The following UBE2W variants were observed in gnomAD, a reference collection of about 807,000 sequenced individuals.
UBE2W encodes the protein ubiquitin-conjugating enzyme E2 W.
UBE2W carries 18 observed loss-of-function variants against 27.2 expected under a neutral mutation model. That is an observed-to-expected ratio of 0.66 (90% CI 0.46 to 0.98). The LOEUF (loss-of-function observed/expected upper bound fraction) is 0.98. Among genes scored for constraint, UBE2W ranks in the 50% least tolerant of loss-of-function variants. The pLI, the probability that UBE2W is intolerant of heterozygous loss-of-function variation, is 0.00. For missense variants in UBE2W, 90 were observed against 180.2 expected (o/e 0.50, Z 2.87); for synonymous variants, 53 against 57.2 (o/e 0.93, Z 0.33).
At chr8:73,845,876 A>G (rs1391262977) in intron 1 of UBE2W, among the ~76,000 whole-genome samples, 1 of 152,198 alleles carries the variant, frequency 6.6e-6, no homozygotes, top group Non-Finnish European at 1.5e-5. Context: ...TTAAACTCCT[A>G]TACCAAGCAA....
intron 5 of UBE2W, chr8:73,796,702 C>G: frequency 2.1e-6 from 2 of 973,778 alleles, no homozygotes; most frequent in Non-Finnish European, 2.4e-6. Context: ...TATATGTAAT[C>G]AAGAGTTTAT....
intron 1 of UBE2W, among the ~76,000 whole-genome samples, chr8:73,865,735 C>A (rs1381511152): frequency 2.6e-5 from 4 of 152,148 alleles, no homozygotes; most frequent in African/African-American, 7.2e-5. Flanking sequence ...AAACCTATTA[C>A]TCGATTTCCT....
At chr8:73,841,019 A>G (rs1810514658) in intron 1 of UBE2W, among the ~76,000 whole-genome samples, 2 of 152,228 alleles carry the variant, frequency 1.3e-5, no homozygotes, top group Non-Finnish European at 2.9e-5. Context: ...AAAAACATTA[A>G]AAAATGTGGG....
intron 1 of UBE2W, among the ~76,000 whole-genome samples, chr8:73,849,008 T>C (rs187609862): frequency 1.3e-5 from 2 of 151,564 alleles, no homozygotes; most frequent in East Asian, 1.9e-4. Context: ...TGGTTCACAA[T>C]AAAGCTGTCA....
chr8:73,858,997 T>C (rs2130966940), intron 1 of UBE2W, among the ~76,000 whole-genome samples: 1 of 150,690 alleles, frequency 6.6e-6, no homozygotes, highest in South Asian at 2.1e-4. Context: ...TGTGTGTGTG[T>C]GTGTGTGTGT....
intron 3 of UBE2W, 66 bp from the exon 4 acceptor site, chr8:73,810,695 C>T: frequency 7.9e-7 from 1 of 1,269,268 alleles, no homozygotes; most frequent in Non-Finnish European, 1.0e-6. Flanking sequence ...AAATATTCTC[C>T]ACATATAACA....
intron 3 of UBE2W, among the ~76,000 whole-genome samples, chr8:73,813,384 C>T (rs1340160870): frequency 1.3e-5 from 2 of 152,042 alleles, no homozygotes; most frequent in Non-Finnish European, 2.9e-5. Flanking sequence ...ATTCTGTAAG[C>T]AAAGAGAACC....
At chr8:73,816,563 T>C (rs572080827) in intron 3 of UBE2W, among the ~76,000 whole-genome samples, 3 of 152,292 alleles carry the variant, frequency 2.0e-5, no homozygotes, top group African/African-American at 7.2e-5. Flanking sequence ...GGAAGGTAAT[T>C]ACTCTTTTGC....
intron 1 of UBE2W, among the ~76,000 whole-genome samples, chr8:73,851,194 C>CT (rs71561537): frequency 0.11 from 15,545 of 146,448 alleles, 838 homozygotes; most frequent in Middle Eastern, 0.18. Context: ...GTTTCATTAT[C>CT]TTTTTTTTTT....
At chr8:73,865,308 T>C (rs762369917) in intron 1 of UBE2W, among the ~76,000 whole-genome samples, 1 of 145,096 alleles carries the variant, frequency 6.9e-6, no homozygotes, top group Non-Finnish European at 1.5e-5. Context: ...ATAGAAACAA[T>C]CAAGGTAACC....
At chr8:73,782,370 A>G (rs1807862658), downstream of UBE2W, among the ~76,000 whole-genome samples, 2 of 152,156 alleles carry the variant, frequency 1.3e-5, no homozygotes, top group Non-Finnish European at 2.9e-5. Context: ...CATATGTATC[A>G]TTCCCAAAAG....
At chr8:73,872,952 A>T (rs111300362) in intron 1 of UBE2W, among the ~76,000 whole-genome samples, 1,861 of 137,778 alleles carry the variant, frequency 0.014, 33 homozygotes, top group African/African-American at 0.039. Context: ...CCCAGGCTGG[A>T]GTCCAGTGGC....
At chr8:73,780,174 A>G (rs968402936) in exon 5 of UBE2W, 1 of 161,992 alleles carries the variant, frequency 6.2e-6, no homozygotes, top group Non-Finnish European at 1.4e-5. Context: ...CAGCAGAATC[A>G]TGTTCTCTCC....
intron 1 of UBE2W, among the ~76,000 whole-genome samples, chr8:73,874,955 T>C (rs1055936154): frequency 6.6e-6 from 1 of 151,946 alleles, no homozygotes; most frequent in Non-Finnish European, 1.5e-5. Context: ...AAAAGATCAC[T>C]TGAGCCCAGG....
intron 2 of UBE2W, 46 bp downstream of exon 2, chr8:73,830,335 A>G (rs778969554): frequency 2.2e-6 from 3 of 1,369,468 alleles, no homozygotes; most frequent in Middle Eastern, 1.8e-4. Context: ...ACATTCATAC[A>G]TTATTGGTAA....
At chr8:73,807,133 T>C (rs1252317619) in intron 4 of UBE2W, among the ~76,000 whole-genome samples, 2 of 152,264 alleles carry the variant, frequency 1.3e-5, no homozygotes, top group African/African-American at 2.4e-5. Flanking sequence ...GATACTATGA[T>C]AGATATCCTT....
At chr8:73,852,156 C>A (rs1156661880) in intron 1 of UBE2W, among the ~76,000 whole-genome samples, 1 of 152,012 alleles carries the variant, frequency 6.6e-6, no homozygotes, top group Non-Finnish European at 1.5e-5. Flanking sequence ...CTGACCAGTT[C>A]AAGTTCCCTG....
Position 73,789,220 on chromosome 8 carries a change from C to T in UBE2W, c.*4882G>A. 1.0e-6 allele frequency: 1 copy of T among 975,770 alleles called. No individual in the cohort carries two copies. The highest frequency in any genetic ancestry group is 1.2e-6 in the Non-Finnish European group (1 of 827,934). The allele number at this position is 975,770 out of a possible 1,614,324, so 60.4% of individuals were successfully genotyped here. On this transcript the variant is annotated 3_prime_UTR_variant, in exon 6 of 6. Transcript: ENST00000602593. ...GCATGGTGGCTTGCACCTGTAATCC[C>T]AGCATTTTGGGAGGCTGAGGCAGGA...
intron 1 of UBE2W, among the ~76,000 whole-genome samples, chr8:73,850,318 T>C (rs1811018819): frequency 1.3e-5 from 2 of 152,120 alleles, no homozygotes; most frequent in African/African-American, 4.8e-5. Context: ...TGTAATCACT[T>C]TGGAACAGGA....
Sources: gnomAD v4.1 joint callset for allele counts (sites outside exome capture counted in the v4.1 genomes callset) on GRCh38, gnomAD v4.1.1 for gene constraint, MANE v1.5 for transcripts, NCBI Gene and HGNC (gene_info 2026-07-23, HGNC 2026-07-21) for gene names.